GARIN5A: variants seen among roughly 807,000 people sequenced by gnomAD.
GARIN5A encodes Golgi-associated RAB2 interactor protein 5A.
the GARIN5A span, among the ~76,000 whole-genome samples, chr19:50,471,396 G>A: frequency 6.6e-6 from 1 of 152,252 alleles, no homozygotes; most frequent in East Asian, 1.9e-4. Context: ...AGCCTCCTGA[G>A]TAGCTGGGAC....
At chr19:50,470,197 G>A in the GARIN5A span, among the ~76,000 whole-genome samples, 10 of 152,302 alleles carry the variant, frequency 6.6e-5, no homozygotes, top group South Asian at 1.9e-3. Context: ...AGACAGCAGA[G>A]CACGTGCAAT....
the GARIN5A span, among the ~76,000 whole-genome samples, chr19:50,472,253 A>C: frequency 9.8e-6 from 1 of 101,966 alleles, no homozygotes; most frequent in South Asian, 2.9e-4. Flanking sequence ...TTATATATAC[A>C]TGTATGTGTG....
chr19:50,471,642 A>ATATACGCATACATGCACGTGTG, the GARIN5A span, among the ~76,000 whole-genome samples: 22 of 108,392 alleles, frequency 2.0e-4, no homozygotes, highest in East Asian at 7.7e-4. Flanking sequence ...ACATGTGTGT[A>ATATACGCATACATGCACGTGTG]TATACGCATA....
At chr19:50,472,485 C>A in the GARIN5A span, among the ~76,000 whole-genome samples, 11 of 151,898 alleles carry the variant, frequency 7.2e-5, no homozygotes, top group Non-Finnish European at 1.6e-4. Context: ...TTTTAGGGTG[C>A]CAAAGGAGCT....
the GARIN5A span, chr19:50,475,256 G>C: frequency 2.7e-6 from 4 of 1,508,886 alleles, no homozygotes; most frequent in South Asian, 1.3e-5. Context: ...ACGAGGGGAG[G>C]TACTGCTGGG....
the GARIN5A span, chr19:50,467,426 G>A: frequency 1.6e-6 from 1 of 629,734 alleles, no homozygotes; most frequent in East Asian, 2.8e-5. Flanking sequence ...AGGAGTCCAG[G>A]ACCCCAGCCC....
the GARIN5A span, among the ~76,000 whole-genome samples, chr19:50,474,513 T>G: frequency 1.3e-5 from 2 of 151,998 alleles, no homozygotes; most frequent in African/African-American, 2.4e-5. Flanking sequence ...GCCCGACTAA[T>G]TTTTTGTATT....
At chr19:50,467,555 C>T in the GARIN5A span, 1 of 1,527,646 alleles carries the variant, frequency 6.5e-7, no homozygotes, top group South Asian at 1.2e-5. Flanking sequence ...CCTCTCCTCA[C>T]CTCCTCCCAC....
At chr19:50,467,595 ACCCT>A in the GARIN5A span, 1 of 1,544,756 alleles carries the variant, frequency 6.5e-7, no homozygotes, top group Non-Finnish European at 8.7e-7. Context: ...CATCATCATC[ACCCT>A]CCCCATCTAC....
chr19:50,468,099 G>A, the GARIN5A span, among the ~76,000 whole-genome samples: 5 of 152,162 alleles, frequency 3.3e-5, no homozygotes, highest in Non-Finnish European at 5.9e-5. Context: ...GGTGGCTCAC[G>A]CCTGTGATCC....
the GARIN5A span, chr19:50,475,246 AC>A: frequency 1.7e-5 from 25 of 1,495,620 alleles, 1 homozygote; most frequent in South Asian, 3.0e-4. Flanking sequence ...GGTGGTCTGG[AC>A]GAGGGGAGGT....
chr19:50,469,995 T>C, the GARIN5A span, among the ~76,000 whole-genome samples: 1 of 152,154 alleles, frequency 6.6e-6, no homozygotes, highest in East Asian at 1.9e-4. Flanking sequence ...GACAACCTTA[T>C]GGGGTGTGCT....
chr19:50,475,247 C>T, the GARIN5A span: 15 of 1,494,632 alleles, frequency 1.0e-5, no homozygotes, highest in East Asian at 4.6e-5. Context: ...GTGGTCTGGA[C>T]GAGGGGAGGT....
chr19:50,475,994 C>A, the GARIN5A span: 1 of 1,603,312 alleles, frequency 6.2e-7, no homozygotes, highest in South Asian at 1.1e-5. Flanking sequence ...GAGGCTGTGC[C>A]TGGCTTCCCA....
chr19:50,476,396 A>G, the GARIN5A span: 2 of 1,550,114 alleles, frequency 1.3e-6, no homozygotes, highest in East Asian at 2.3e-5. Context: ...CATCCTGCTG[A>G]CGTCAGGCCC....
chr19:50,472,089 T>C, the GARIN5A span, among the ~76,000 whole-genome samples: 1 of 132,446 alleles, frequency 7.6e-6, no homozygotes, highest in East Asian at 2.0e-4. Context: ...CATGTGTGTA[T>C]ATGTATATGT....
chr19:50,468,776 A>G, the GARIN5A span, among the ~76,000 whole-genome samples: 1 of 151,848 alleles, frequency 6.6e-6, no homozygotes, highest in Non-Finnish European at 1.5e-5. Flanking sequence ...TAATTTTTCT[A>G]TTTTTATATA....
chr19:50,475,980 C>A, the GARIN5A span: 1 of 1,605,002 alleles, frequency 6.2e-7, no homozygotes, highest in South Asian at 1.1e-5. Context: ...GGGGTCGATC[C>A]TGGGAGGCTG....
At chr19:50,472,009 T>G in the GARIN5A span, among the ~76,000 whole-genome samples, 1 of 149,882 alleles carries the variant, frequency 6.7e-6, no homozygotes, top group South Asian at 2.1e-4. Flanking sequence ...TGTATGTATA[T>G]ATACGTGTGT....
Sources: gnomAD v4.1 joint callset for allele counts (sites outside exome capture counted in the v4.1 genomes callset) on GRCh38, gnomAD v4.1.1 for gene constraint, MANE v1.5 for transcripts, NCBI Gene and HGNC (gene_info 2026-07-23, HGNC 2026-07-21) for gene names.